Variants in ENOX2 observed in about 807,000 individuals in gnomAD.
ENOX2 encodes ecto-NOX disulfide-thiol exchanger 2.
In ENOX2, 36 loss-of-function variants were observed where a neutral mutation model predicts 45.0. That is an observed-to-expected ratio of 0.80 (90% confidence interval 0.61 to 1.06). ENOX2 has a LOEUF of 1.06. ENOX2 is among the 50% of genes least tolerant of loss of function. The pLI is 0.00. For synonymous variants in ENOX2, 174 were observed against 152.3 expected, an observed-to-expected ratio of 1.14 and a Z score of -1.05; for missense variants, 423 against 462.5, an observed-to-expected ratio of 0.91 and a Z score of 0.78.
At chrX:130,808,361 GT>G (rs963197314) in intron 2 of ENOX2, among the ~76,000 whole-genome samples, 2 of 110,456 alleles carry the variant, frequency 1.8e-5, no homozygotes, top group African/African-American at 6.6e-5. Context: ...TTCCTCACCT[GT>G]TTTTTTTTAG....
intron 3 of ENOX2, among the ~76,000 whole-genome samples, chrX:130,761,615 G>T (rs1334418481): frequency 9.0e-6 from 1 of 111,707 alleles, no homozygotes; most frequent in Non-Finnish European, 1.9e-5. Context: ...CTTTGCCTCT[G>T]GGGAGGCCTT....
intron 7 of ENOX2, among the ~76,000 whole-genome samples, chrX:130,668,959 A>T (rs1033519167): frequency 1.8e-5 from 2 of 112,105 alleles, no homozygotes; most frequent in African/African-American, 6.5e-5. Context: ...GTTTTTCAAA[A>T]TGTACCATTA....
chrX:130,809,244 G>T (rs763496959), intron 2 of ENOX2, among the ~76,000 whole-genome samples: 2 of 112,528 alleles, frequency 1.8e-5, no homozygotes, highest in East Asian at 5.6e-4. Flanking sequence ...TACAGAGGAG[G>T]AGTTGATTTA....
chrX:130,782,227 C>T (rs940970934), intron 3 of ENOX2, among the ~76,000 whole-genome samples: 2 of 111,559 alleles, frequency 1.8e-5, no homozygotes, highest in African/African-American at 6.5e-5. Context: ...AAAATAGTAA[C>T]GTTTATTAAG....
rs760020752 is a variant in ENOX2, at chrX:130,726,283, T to C, written c.-38-23029A>G. On this transcript the variant is annotated intron_variant, in intron 3 of 14. Transcript: ENST00000394363. ...CAACAAAGCAAAGCCCTTTCCCTTA[T>C]GAGATTTCCTTGTAAAGCAGAGGCT... 9.8e-5 allele frequency among the ~76,000 whole-genome samples: 11 copies of C among 112,046 alleles called. 1 individual carries two copies. The South Asian group carries it at 3.0e-3, about 31-fold the overall frequency.
At chrX:130,867,119 A>G (rs2078503344) in intron 2 of ENOX2, among the ~76,000 whole-genome samples, 1 of 111,792 alleles carries the variant, frequency 8.9e-6, no homozygotes, top group Non-Finnish European at 1.9e-5. Flanking sequence ...ATTAAAATCA[A>G]TGAGAATAAT....
intron 2 of ENOX2, among the ~76,000 whole-genome samples, chrX:130,861,782 G>A (rs1484319303): frequency 9.0e-6 from 1 of 111,411 alleles, no homozygotes; most frequent in Non-Finnish European, 1.9e-5. Flanking sequence ...CTTATGTTAA[G>A]TGTTCTTGTC....
intron 2 of ENOX2, among the ~76,000 whole-genome samples, chrX:130,875,903 C>T (rs1603377047): frequency 8.9e-6 from 1 of 111,998 alleles, no homozygotes; most frequent in Non-Finnish European, 1.9e-5. Context: ...CACAATAAGA[C>T]ACCACTTCAC....
chrX:130,689,581 T>C (rs2037538429), intron 4 of ENOX2, among the ~76,000 whole-genome samples: 1 of 111,934 alleles, frequency 8.9e-6, no homozygotes, highest in South Asian at 3.8e-4. Flanking sequence ...TAAATAACTA[T>C]TCTCTGTGCC....
intron 3 of ENOX2, among the ~76,000 whole-genome samples, chrX:130,712,713 G>A (rs2038226344): frequency 9.0e-6 from 1 of 111,642 alleles, no homozygotes; most frequent in East Asian, 2.8e-4. Context: ...TAGGTCCAAA[G>A]TCAAACAGGG....
chrX:130,867,852 T>C (rs1229445306), intron 2 of ENOX2, among the ~76,000 whole-genome samples: 3 of 111,806 alleles, frequency 2.7e-5, no homozygotes, highest in African/African-American at 6.5e-5. Flanking sequence ...CTAGTTCAGT[T>C]TGCAACTCAA....
rs1207662477 is a variant in ENOX2 at position 130,637,286 on chromosome X, G to A, written c.1254C>T (p.Asp418=). 1 of 1,209,292 alleles carries A rather than the reference G, an allele frequency of 8.3e-7. No individual in the cohort carries two copies. Among genetic ancestry groups the A allele is most frequent in the African/African-American group, 1.8e-5 (1 of 57,094 alleles). The change falls in exon 11 of 15, where the codon GAC becomes GAT. Residue 418 remains aspartate, a synonymous_variant. Coordinates refer to ENST00000394363, the MANE Select transcript of ENOX2 (RefSeq NM_006375.4). ...QEQGKVHRED[D]PNKEQQLKLL... ...GTTTCAGCTGCTGTTCTTTGTTAGG[G>A]TCATCTTCTCTGTGGACTTTGCCTT...
At chrX:130,821,102 T>C (rs1690821889) in intron 2 of ENOX2, among the ~76,000 whole-genome samples, 1 of 112,046 alleles carries the variant, frequency 8.9e-6, no homozygotes, top group Admixed American at 9.5e-5. Flanking sequence ...TAAAATTTTT[T>C]TTAAAAAAGA....
At chrX:130,655,012 C>T (rs991971019) in intron 10 of ENOX2, among the ~76,000 whole-genome samples, 4 of 112,288 alleles carry the variant, frequency 3.6e-5, no homozygotes, top group African/African-American at 1.3e-4. Context: ...CATGGTAACA[C>T]TGACTAAATA....
At chrX:130,790,350 A>T (rs1451632442) in intron 2 of ENOX2, among the ~76,000 whole-genome samples, 1 of 111,712 alleles carries the variant, frequency 9.0e-6, no homozygotes, top group East Asian at 2.8e-4. Flanking sequence ...ATGACTCCCC[A>T]AACTACTTGG....
chrX:130,771,801 T>C (rs887208533), intron 3 of ENOX2, among the ~76,000 whole-genome samples: 2 of 112,201 alleles, frequency 1.8e-5, no homozygotes, highest in Non-Finnish European at 3.8e-5. Context: ...CTCACTGTCA[T>C]TTAAAAACCT....
At chrX:130,690,328 C>G (rs2037559371) in intron 4 of ENOX2, among the ~76,000 whole-genome samples, 1 of 111,760 alleles carries the variant, frequency 8.9e-6, no homozygotes, top group African/African-American at 3.3e-5. Flanking sequence ...GGTAGGCATT[C>G]CAAAGCACAG....
At chrX:130,785,504 A>G (rs1321999190) in intron 2 of ENOX2, among the ~76,000 whole-genome samples, 1 of 111,322 alleles carries the variant, frequency 9.0e-6, no homozygotes, top group Non-Finnish European at 1.9e-5. Flanking sequence ...TCATGTGAGT[A>G]ACTAAGTGAA....
intron 2 of ENOX2, among the ~76,000 whole-genome samples, chrX:130,896,872 T>C (rs898945899): frequency 8.9e-6 from 1 of 111,967 alleles, no homozygotes; most frequent in South Asian, 3.7e-4. Context: ...TACGTTATTG[T>C]AGAGAAAATC....
Sources: gnomAD v4.1 joint callset for allele counts (sites outside exome capture counted in the v4.1 genomes callset) on GRCh38, gnomAD v4.1.1 for gene constraint, MANE v1.5 for transcripts, NCBI Gene and HGNC (gene_info 2026-07-23, HGNC 2026-07-21) for gene names.